SPTBN4: variants seen among roughly 807,000 people sequenced by gnomAD.
The protein encoded by SPTBN4 is spectrin beta, non-erythrocytic 4.
In SPTBN4, 96 loss-of-function variants were observed where a neutral mutation model predicts 277.8. That is an observed-to-expected ratio of 0.35 (90% CI 0.29 to 0.41). The LOEUF is 0.41. SPTBN4 is among the 10% of genes least tolerant of loss of function. The probability of loss-of-function intolerance (pLI) is 1.00; values close to 1 mark genes in which losing one functional copy is unlikely to be tolerated. For synonymous variants in SPTBN4, 1,481 were observed against 1,580.3 expected (o/e 0.94, Z 1.49); for missense variants, 3,006 against 3,595.7 (o/e 0.84, Z 4.19).
chr19:40,566,014 C>G (rs2081088315), intron 29 of SPTBN4, 149 bp from the exon 30 acceptor site: 2 of 840,912 alleles, frequency 2.4e-6, no homozygotes, highest in African/African-American at 3.4e-5. Flanking sequence ...ACTGAAATAG[C>G]CCCAGCCTCT....
At chr19:40,559,227 G>C (rs2081017909) in intron 26 of SPTBN4, among the ~76,000 whole-genome samples, 1 of 151,696 alleles carries the variant, frequency 6.6e-6, no homozygotes, top group African/African-American at 2.4e-5. Context: ...ACCGCGCCCA[G>C]CCCAGTTATT....
At chr19:40,529,004 C>CA (rs1568813229) in intron 17 of SPTBN4, 37 bp from the exon 18 acceptor site, 1 of 1,574,650 alleles carries the variant, frequency 6.4e-7, no homozygotes. Context: ...CCCCCCAACC[C>CA]GGGGCCTTTC....
chr19:40,483,138 CTG>C, intron 2 of SPTBN4, among the ~76,000 whole-genome samples: 1 of 152,144 alleles, frequency 6.6e-6, no homozygotes, highest in East Asian at 1.9e-4. Context: ...AATGTGAAAA[CTG>C]GGGTCCCGAG....
chr19:40,510,080 A>AT (rs1337767325), intron 13 of SPTBN4, among the ~76,000 whole-genome samples: 1 of 151,924 alleles, frequency 6.6e-6, no homozygotes, highest in Non-Finnish European at 1.5e-5. Context: ...GTGCGTTGTC[A>AT]TGGGGATGGG....
Position 40,502,546 on chromosome 19 carries a change from G to A in SPTBN4, c.1203+39G>A. 1 of 1,570,218 alleles carries A rather than the reference G, an allele frequency of 6.4e-7. No individual in the cohort carries two copies. The highest frequency in any genetic ancestry group is 1.3e-5 in the African/African-American group (1 of 74,360). On this transcript the variant is annotated intron_variant, in intron 10 of 35. Transcript: ENST00000598249. The surrounding 1 kb of genome is among the most constrained non-coding windows in gnomAD (Gnocchi z 4.9). ...TGCAGGGGAGAGGCGGGGTTGCACTGTGGAGTTGTATAGGTTGCACACTGC... is the reference window on the plus strand; with the variant it reads ...TGCAGGGGAGAGGCGGGGTTGCACTATGGAGTTGTATAGGTTGCACACTGC...
chr19:40,553,435 TGG>T (rs1315337375), intron 22 of SPTBN4, among the ~76,000 whole-genome samples: 5 of 152,186 alleles, frequency 3.3e-5, no homozygotes, highest in Non-Finnish European at 7.3e-5. Flanking sequence ...CATTCCATCC[TGG>T]GTGATAGAGT....
intron 13 of SPTBN4, among the ~76,000 whole-genome samples, chr19:40,507,162 A>G (rs2080339761): frequency 6.6e-6 from 1 of 151,966 alleles, no homozygotes; most frequent in Non-Finnish European, 1.5e-5. Context: ...AAAAATACAA[A>G]AAATTAGGTA....
At chr19:40,540,833 AAAAAAAAG>A (rs2080792984) in intron 20 of SPTBN4, among the ~76,000 whole-genome samples, 4 of 151,552 alleles carry the variant, frequency 2.6e-5, no homozygotes, top group Non-Finnish European at 5.9e-5. Context: ...AAAAAAAAAA[AAAAAAAAG>A]AAAAGTAATT....
chr19:40,505,251 C>T (rs919730691), intron 12 of SPTBN4, among the ~76,000 whole-genome samples: 2 of 147,852 alleles, frequency 1.4e-5, no homozygotes, highest in African/African-American at 2.5e-5. Flanking sequence ...ATTAGCTAGG[C>T]GTGGTGGTGT....
At position 40,557,005 on chromosome 19, in the gene SPTBN4, C is replaced by A. The variant is rs760037060; in HGVS notation, c.5290-18C>A. On this transcript the variant is annotated intron_variant, in intron 25 of 35. Transcript: ENST00000598249. The stretch of plus-strand genomic sequence containing the variant: ...TTGCTCACTTTGCTGTACCCCCCCC[C>A]CCACTTCCTGATGGCAGGTGCTGCA... 23 of 1,528,560 alleles carry A rather than the reference C, an allele frequency of 1.5e-5. No homozygotes were observed. Among genetic ancestry groups the A allele is most frequent in the Middle Eastern group, 3.6e-4 (2 of 5,604 alleles). 94.7% of individuals were successfully genotyped at this position (1,528,560 alleles called of 1,614,324 possible).
intron 22 of SPTBN4, among the ~76,000 whole-genome samples, chr19:40,552,116 G>A (rs2080924248): frequency 6.6e-6 from 1 of 151,880 alleles, no homozygotes; most frequent in African/African-American, 2.4e-5. Context: ...TCAGGAGTTC[G>A]AGACCAGCCT....
chr19:40,570,969 A>G (rs956866079), intron 33 of SPTBN4: 2 of 481,950 alleles, frequency 4.1e-6, no homozygotes, highest in Admixed American at 4.1e-5. Context: ...GTGGGGCCAG[A>G]TGAGGGGTGG....
rs1208699415 is a variant in SPTBN4 at position 40,519,503 on chromosome 19, G to C, written c.3006G>C (p.Gln1002His). 3 of 1,609,178 alleles carry C rather than the reference G, an allele frequency of 1.9e-6. No individual in the cohort carries two copies. Among genetic ancestry groups the C allele is most frequent in the Non-Finnish European group, 1.7e-6 (2 of 1,178,552 alleles). The change falls in exon 16 of 36, where the codon CAG becomes CAC. Residue 1002 changes from glutamine (Q) to histidine (H), a missense_variant. Transcript: ENST00000598249. This position sits in a 1 kb window ranked among gnomAD's most constrained non-coding sequence, Gnocchi z 5.7. ...HVLEVAEVRA[Q>H]VREKRRAVES... Reference sequence around the variant, plus strand: ...TGGAGGTGGCCGAGGTGCGCGCCCAGGTGCGTGAGAAGCGGAGAGCTGTGG... The same window carrying C: ...TGGAGGTGGCCGAGGTGCGCGCCCACGTGCGTGAGAAGCGGAGAGCTGTGG...
rs751233619 is a variant in SPTBN4 at position 40,502,898 on chromosome 19, A to T, written c.1327A>T (p.Ser443Cys). ...RFDHKVAMRE[S>C]WLNENQRLVS... Reference sequence around the variant, plus strand: ...TGACCACAAGGTGGCTATGAGGGAGAGCTGGCTGAATGAGAACCAGCGTCT... The same window carrying T: ...TGACCACAAGGTGGCTATGAGGGAGTGCTGGCTGAATGAGAACCAGCGTCT... Residue 443 changes from serine (S) to cysteine (C), a missense_variant, in exon 11 of 36, where the codon AGC becomes TGC. Physicochemically the swap from Ser to Cys is moderately radical, Grantham distance 112 (BLOSUM62 -1). Around this residue, in one of 5 missense-constraint regions of SPTBN4, gnomAD observed 1,759 missense variants for 2,061.5 expected, o/e 0.85. Transcript: ENST00000598249. The surrounding 1 kb of genome is among the most constrained non-coding windows in gnomAD (Gnocchi z 4.9). 6.2e-7 allele frequency: 1 copy of T among 1,613,838 alleles called. No homozygotes were observed. Among genetic ancestry groups the T allele is most frequent in the Non-Finnish European group, 8.5e-7 (1 of 1,180,016 alleles).
At chr19:40,524,275 C>T (rs573229967) in intron 17 of SPTBN4, among the ~76,000 whole-genome samples, 4 of 150,922 alleles carry the variant, frequency 2.7e-5, no homozygotes, top group African/African-American at 9.8e-5. Flanking sequence ...TAGGCTGAGA[C>T]GGGAGGATTG....
chr19:40,564,704 G>A (rs2081074615), intron 27 of SPTBN4, among the ~76,000 whole-genome samples: 1 of 151,964 alleles, frequency 6.6e-6, no homozygotes, highest in African/African-American at 2.4e-5. Context: ...GGGTGTGATG[G>A]TGTGCACCTG....
rs2145960146 is a variant in SPTBN4, at chr19:40,570,656, C to G, written c.7247C>G (p.Thr2416Ser). The G allele has an allele frequency of 1.3e-6, 2 of 1,554,956 alleles. No individual in the cohort carries two copies. The highest frequency in any genetic ancestry group is 2.7e-5 in the East Asian group (1 of 37,650). The change falls in exon 33 of 36, where the codon ACT becomes AGT. Residue 2416 changes from threonine to serine, a missense_variant. Around this residue, in one of 5 missense-constraint regions of SPTBN4, gnomAD observed 630 missense variants for 677.6 expected, o/e 0.93. Transcript: ENST00000598249. ...GSAPAPPPPP[T>S]HTVQHEGFLL... is the part of the protein sequence containing the mutation. The stretch of plus-strand genomic sequence containing the variant: ...GCCCCCGCGCCTCCGCCACCGCCCA[C>G]TCACACAGTGCAGCACGAGGGCTTC...
chr19:40,554,142 C>G lies in SPTBN4; in HGVS notation c.4675-5C>G, dbSNP rs2080948599. On this transcript the variant is annotated splice_region_variant and splice_polypyrimidine_tract_variant and intron_variant, in intron 22 of 35. Coordinates refer to ENST00000598249, the MANE Select transcript of SPTBN4 (RefSeq NM_020971.3). The surrounding 1 kb of genome is among the most constrained non-coding windows in gnomAD (Gnocchi z 5.7). The stretch of plus-strand genomic sequence containing the variant: ...CACCCACATCCCCTTACCTCCTGCC[C>G]CCAGGGCCTGCGGCGGGAGATCCAG... 6.9e-7 allele frequency: 1 copy of G among 1,442,016 alleles called. No homozygotes were observed. Among genetic ancestry groups the G allele is most frequent in the Non-Finnish European group, 9.0e-7 (1 of 1,114,126 alleles). The allele number at this position is 1,442,016 out of a possible 1,614,324, so 89.3% of individuals were successfully genotyped here. A position where few individuals can be genotyped will look rare whatever the true frequency, so the allele number is the denominator to read the frequency against.
At chr19:40,569,752 G>A (rs1172655710) in intron 32 of SPTBN4, 26 bp downstream of exon 32, 2 of 1,597,428 alleles carry the variant, frequency 1.3e-6, no homozygotes, top group South Asian at 2.2e-5. Context: ...GATGGGTGGG[G>A]ATAGGAGGAC....
Sources: allele counts gnomAD v4.1 joint callset (sites outside exome capture counted in the v4.1 genomes callset), GRCh38; gene constraint gnomAD v4.1.1; regional missense constraint gnomAD v4.1.1; non-coding constraint Gnocchi (gnomAD v3.1); transcripts MANE v1.5; gene names NCBI Gene and HGNC (gene_info 2026-07-23, HGNC 2026-07-21).